RPS6KA2: variants seen among roughly 807,000 people sequenced by gnomAD.
The protein encoded by RPS6KA2 is ribosomal protein S6 kinase alpha-2.
In RPS6KA2, 42 loss-of-function variants were observed where a neutral mutation model predicts 91.8. The ratio of observed to expected loss-of-function variants is 0.46; its 90% CI spans 0.36 to 0.59. RPS6KA2 has a LOEUF of 0.59. RPS6KA2 is among the 20% of genes least tolerant of loss of function. RPS6KA2 has a pLI of 0.00. For synonymous variants in RPS6KA2, 414 were observed against 393.6 expected, an observed-to-expected ratio of 1.05 and a Z score of -0.61; for missense variants, 798 against 978.5, an observed-to-expected ratio of 0.82 and a Z score of 2.46.
chr6:166,729,045 G>A (rs1301285381), intron 2 of RPS6KA2, among the ~76,000 whole-genome samples: 1 of 152,198 alleles, frequency 6.6e-6, no homozygotes, highest in Non-Finnish European at 1.5e-5. Flanking sequence ...GCTCCCCTGC[G>A]GAAGGGCCAC....
chr6:166,513,607 C>G (rs1488468045), intron 3 of RPS6KA2, among the ~76,000 whole-genome samples: 1 of 152,196 alleles, frequency 6.6e-6, no homozygotes, highest in Non-Finnish European at 1.5e-5. Flanking sequence ...TGGCGTACGT[C>G]CCAGCCAGCA....
chr6:166,681,591 C>T (rs1049367727), intron 2 of RPS6KA2, among the ~76,000 whole-genome samples: 3 of 151,926 alleles, frequency 2.0e-5, no homozygotes, highest in Non-Finnish European at 2.9e-5. Flanking sequence ...TTCTGTGCCC[C>T]GAAGGGAAAA....
chr6:166,682,370 C>T (rs1281130857), intron 2 of RPS6KA2, among the ~76,000 whole-genome samples: 1 of 151,986 alleles, frequency 6.6e-6, no homozygotes, highest in Non-Finnish European at 1.5e-5. Flanking sequence ...GTTTGGCTTA[C>T]ATCATAAATC....
intron 2 of RPS6KA2, among the ~76,000 whole-genome samples, chr6:166,714,280 T>C (rs1299696668): frequency 6.6e-6 from 1 of 152,166 alleles, no homozygotes; most frequent in Non-Finnish European, 1.5e-5. Context: ...TGGGTTCTCA[T>C]GAGAAACACA....
intron 2 of RPS6KA2, among the ~76,000 whole-genome samples, chr6:166,697,795 A>C (rs186580011): frequency 6.6e-6 from 1 of 152,326 alleles, no homozygotes; most frequent in Non-Finnish European, 1.5e-5. Flanking sequence ...ATGGAAACAC[A>C]CACACCCGAC....
intron 2 of RPS6KA2, among the ~76,000 whole-genome samples, chr6:166,857,931 T>C (rs1031971339): frequency 1.3e-5 from 2 of 152,234 alleles, no homozygotes; most frequent in Non-Finnish European, 1.5e-5. Context: ...CAAGTGCCCA[T>C]GCCAGGAGAC....
At chr6:166,831,390 A>T (rs1780178855) in intron 2 of RPS6KA2, among the ~76,000 whole-genome samples, 2 of 151,938 alleles carry the variant, frequency 1.3e-5, no homozygotes, top group Admixed American at 1.3e-4. Context: ...TCTCTACTTC[A>T]ACTTGAATTT....
chr6:166,660,611 A>G (rs1788137450), intron 2 of RPS6KA2, among the ~76,000 whole-genome samples: 2 of 152,236 alleles, frequency 1.3e-5, no homozygotes, highest in Non-Finnish European at 2.9e-5. Flanking sequence ...TACCTACACA[A>G]TTAATAGTGT....
intron 2 of RPS6KA2, among the ~76,000 whole-genome samples, chr6:166,781,869 C>T (rs1778782091): frequency 6.6e-6 from 1 of 152,224 alleles, no homozygotes; most frequent in African/African-American, 2.4e-5. Flanking sequence ...TGTCGACATT[C>T]TGAGTGGATG....
At chr6:166,757,918 T>C (rs955107892) in intron 2 of RPS6KA2, 7 of 212,370 alleles carry the variant, frequency 3.3e-5, no homozygotes, top group Non-Finnish European at 5.7e-5. Flanking sequence ...AAGTTACTCA[T>C]GCTGCTCCGA....
At chr6:166,472,455 G>C (rs576568868) in intron 10 of RPS6KA2, among the ~76,000 whole-genome samples, 1 of 152,286 alleles carries the variant, frequency 6.6e-6, no homozygotes, top group South Asian at 2.1e-4. Context: ...AAGGTAGTAA[G>C]ATTTTGCACC....
In RPS6KA2 at chr6:166,418,126, T is replaced by C; in HGVS notation, c.1938+99A>G. On this transcript the variant is annotated intron_variant, in intron 19 of 20. Coordinates refer to ENST00000265678, the MANE Select transcript of RPS6KA2 (RefSeq NM_021135.6). This position sits in a 1 kb window ranked among gnomAD's most constrained non-coding sequence, Gnocchi z 4.9. The stretch of plus-strand genomic sequence containing the variant: ...AAAAATATGCTGAGGATAAAATACC[T>C]ATACTACTTACATAAAACCTATCCC... 2.6e-6 allele frequency: 2 copies of C among 781,796 alleles called. No individual in the cohort carries two copies. The highest frequency in any genetic ancestry group is 1.6e-5 in the South Asian group (1 of 60,786). The allele number at this position is 781,796 out of a possible 1,614,324, so 48.4% of individuals were successfully genotyped here.
intron 8 of RPS6KA2, among the ~76,000 whole-genome samples, chr6:166,497,412 G>C (rs955900584): frequency 2.6e-5 from 4 of 152,260 alleles, no homozygotes; most frequent in African/African-American, 9.6e-5. Context: ...CCACAAACGT[G>C]ATGTGGGCAT....
At chr6:166,719,637 A>G (rs1790115634) in intron 2 of RPS6KA2, among the ~76,000 whole-genome samples, 1 of 152,228 alleles carries the variant, frequency 6.6e-6, no homozygotes, top group Non-Finnish European at 1.5e-5. Context: ...TTGATCATGT[A>G]TTATTAAATG....
At chr6:166,560,782 T>C (rs1177644494) in intron 1 of RPS6KA2, among the ~76,000 whole-genome samples, 4 of 152,202 alleles carry the variant, frequency 2.6e-5, no homozygotes, top group African/African-American at 9.7e-5. Context: ...CCCCTGAATC[T>C]GCACCCCTCT....
chr6:166,454,428 GT>G (rs1201992071), intron 12 of RPS6KA2, among the ~76,000 whole-genome samples: 2 of 152,174 alleles, frequency 1.3e-5, no homozygotes, highest in Non-Finnish European at 2.9e-5. Context: ...AACCTGGGAG[GT>G]GGAGGTTGCA....
intron 1 of RPS6KA2, among the ~76,000 whole-genome samples, chr6:166,581,111 G>A (rs1047996294): frequency 2.6e-5 from 4 of 152,070 alleles, no homozygotes; most frequent in Non-Finnish European, 4.4e-5. Flanking sequence ...GGCTGGTCTC[G>A]AACTCCTGAC....
intron 1 of RPS6KA2, among the ~76,000 whole-genome samples, chr6:166,572,570 G>A (rs938647934): frequency 3.3e-5 from 5 of 152,166 alleles, no homozygotes; most frequent in South Asian, 2.1e-4. Flanking sequence ...TCTCATTGCC[G>A]GCTGCTTTCC....
chr6:166,634,348 T>C (rs1787169398), intron 2 of RPS6KA2, among the ~76,000 whole-genome samples: 2 of 152,154 alleles, frequency 1.3e-5, no homozygotes, highest in Admixed American at 1.3e-4. Flanking sequence ...GGGAAGGAAA[T>C]GGGGCCGGAC....
Sources: gnomAD v4.1 joint callset for allele counts (sites outside exome capture counted in the v4.1 genomes callset) on GRCh38, gnomAD v4.1.1 for gene constraint, Gnocchi (gnomAD v3.1) non-coding constraint, MANE v1.5 for transcripts, NCBI Gene and HGNC (gene_info 2026-07-23, HGNC 2026-07-21) for gene names.